The following STK33 variants were observed in gnomAD, a reference collection of about 807,000 sequenced individuals.
STK33 encodes serine/threonine-protein kinase 33.
In STK33, 52 loss-of-function variants were observed where a neutral mutation model predicts 58.0. That is an observed-to-expected ratio of 0.90 (90% CI 0.72 to 1.13). The LOEUF is 1.13. STK33 is among the 50% of genes most tolerant of loss of function. STK33 has a pLI of 0.00. For missense variants in STK33, 630 were observed against 604.2 expected (o/e 1.04, Z -0.45); for synonymous variants, 215 against 200.1 (o/e 1.07, Z -0.63).
chr11:8,579,101 T>G (rs1958382988), intron 1 of STK33, among the ~76,000 whole-genome samples: 1 of 152,010 alleles, frequency 6.6e-6, no homozygotes, highest in Non-Finnish European at 1.5e-5. Flanking sequence ...ATGAAAAAAT[T>G]TTGCTAGTTC....
chr11:8,406,052 A>G (rs977933299), intron 15 of STK33, among the ~76,000 whole-genome samples: 12 of 149,302 alleles, frequency 8.0e-5, no homozygotes, highest in Non-Finnish European at 1.5e-4. Context: ...CTGAGGCAGG[A>G]GAATGGCGGG....
the STK33 span, among the ~76,000 whole-genome samples, chr11:8,348,613 C>A: frequency 1.3e-5 from 2 of 152,190 alleles, no homozygotes; most frequent in African/African-American, 4.8e-5. Context: ...ATCCTCCATT[C>A]TCCTTATGCT....
intron 1 of STK33, among the ~76,000 whole-genome samples, chr11:8,522,693 C>A (rs1953584128): frequency 6.6e-6 from 1 of 152,166 alleles, no homozygotes; most frequent in Non-Finnish European, 1.5e-5. Context: ...ATCTGCACCA[C>A]AATGAAAGCA....
chr11:8,396,320 T>C (rs984878348), intron 15 of STK33, among the ~76,000 whole-genome samples: 1 of 152,210 alleles, frequency 6.6e-6, no homozygotes, highest in Admixed American at 6.5e-5. Context: ...GCCAGGATGA[T>C]CTCAATATGC....
At chr11:8,474,622 A>G (rs1949088156) in intron 5 of STK33, 59 bp downstream of exon 5, 4 of 1,233,674 alleles carry the variant, frequency 3.2e-6, no homozygotes, top group Non-Finnish European at 4.5e-6. Context: ...TGAAGCTAGG[A>G]GTACCATTAG....
intron 1 of STK33, among the ~76,000 whole-genome samples, chr11:8,528,713 T>C (rs1441306665): frequency 6.6e-6 from 1 of 152,234 alleles, no homozygotes; most frequent in Non-Finnish European, 1.5e-5. Flanking sequence ...TCTGTGGCCA[T>C]ATCCCTTTGT....
At chr11:8,561,670 G>C (rs1957121594) in intron 1 of STK33, among the ~76,000 whole-genome samples, 1 of 152,044 alleles carries the variant, frequency 6.6e-6, no homozygotes, top group African/African-American at 2.4e-5. Flanking sequence ...ACATATGTTG[G>C]ATCTTCTCTG....
intron 11 of STK33, among the ~76,000 whole-genome samples, chr11:8,442,395 G>A (rs1944867631): frequency 6.6e-6 from 1 of 152,192 alleles, no homozygotes; most frequent in Admixed American, 6.5e-5. Context: ...GCAGCACACA[G>A]CAGGGGACGG....
intron 12 of STK33, among the ~76,000 whole-genome samples, chr11:8,437,888 C>A (rs1174794455): frequency 6.6e-6 from 1 of 152,150 alleles, no homozygotes; most frequent in Non-Finnish European, 1.5e-5. Flanking sequence ...CTTTTTATCT[C>A]TCTAGCTCAT....
chr11:8,528,839 G>T (rs899022289), intron 1 of STK33, among the ~76,000 whole-genome samples: 1 of 152,168 alleles, frequency 6.6e-6, no homozygotes, highest in Admixed American at 6.5e-5. Context: ...AAACCAAAAT[G>T]TTTGCATATG....
At chr11:8,517,592 A>G (rs1389573965) in intron 1 of STK33, among the ~76,000 whole-genome samples, 6 of 152,210 alleles carry the variant, frequency 3.9e-5, no homozygotes, top group African/African-American at 1.4e-4. Context: ...AAAACCTTGA[A>G]AAAAGATTAG....
intron 1 of STK33, among the ~76,000 whole-genome samples, chr11:8,484,574 A>G (rs1343914298): frequency 1.3e-5 from 2 of 152,270 alleles, no homozygotes; most frequent in African/African-American, 2.4e-5. Flanking sequence ...CAAGGCACTC[A>G]GATACCACAT....
downstream of STK33, among the ~76,000 whole-genome samples, chr11:8,390,466 A>T (rs115497937): frequency 3.3e-3 from 504 of 152,256 alleles, 5 homozygotes; most frequent in African/African-American, 0.012. Context: ...GGAAGGCCAT[A>T]TATCCCCAGA....
the STK33 span, among the ~76,000 whole-genome samples, chr11:8,348,459 A>C: frequency 6.6e-6 from 1 of 152,142 alleles, no homozygotes; most frequent in Non-Finnish European, 1.5e-5. Context: ...GTGAGAACTC[A>C]CTCACTATCA....
the STK33 span, among the ~76,000 whole-genome samples, chr11:8,337,236 T>A: frequency 6.6e-6 from 1 of 152,244 alleles, no homozygotes; most frequent in Non-Finnish European, 1.5e-5. Context: ...CTCTTCAGAC[T>A]GGGGAAAAGT....
chr11:8,356,839 G>A, the STK33 span, among the ~76,000 whole-genome samples: 1 of 151,984 alleles, frequency 6.6e-6, no homozygotes, highest in African/African-American at 2.4e-5. Context: ...AAGGCCCTTG[G>A]TGGAGCTGAG....
chr11:8,355,666 A>C, the STK33 span, among the ~76,000 whole-genome samples: 1 of 152,204 alleles, frequency 6.6e-6, no homozygotes, highest in Non-Finnish European at 1.5e-5. Flanking sequence ...TGGCTTTCAC[A>C]TCTTGCTCTG....
intron 6 of STK33, among the ~76,000 whole-genome samples, chr11:8,470,042 T>TA (rs34939544): frequency 6.6e-6 from 1 of 152,212 alleles, no homozygotes; most frequent in Non-Finnish European, 1.5e-5. Context: ...GGCTTCAACT[T>TA]AAAGTCACCA....
At chr11:8,435,609 CT>C in intron 13 of STK33, 30 bp from the exon 14 acceptor site, 1 of 1,316,688 alleles carries the variant, frequency 7.6e-7, no homozygotes, top group Admixed American at 2.4e-5. Flanking sequence ...CCTGAAAAAT[CT>C]TATTTAACTA....
Sources: gnomAD v4.1 joint callset for allele counts (sites outside exome capture counted in the v4.1 genomes callset) on GRCh38, gnomAD v4.1.1 for gene constraint, MANE v1.5 for transcripts, NCBI Gene and HGNC (gene_info 2026-07-23, HGNC 2026-07-21) for gene names.